Variants in PTPRE observed in about 807,000 individuals in gnomAD.
PTPRE encodes protein tyrosine phosphatase receptor type E, also known as receptor-type tyrosine-protein phosphatase epsilon.
PTPRE carries 51 observed loss-of-function variants against 102.0 expected under a neutral mutation model. The observed-to-expected ratio is 0.50, with a 90% CI of 0.40 to 0.63. The LOEUF (loss-of-function observed/expected upper bound fraction) is 0.63, where lower values mean the gene tolerates loss of function less well. Ranked by LOEUF, PTPRE falls within the 30% of genes least tolerant of loss-of-function variation. PTPRE has a pLI of 0.00. For synonymous variants in PTPRE, 345 were observed against 348.2 expected, an observed-to-expected ratio of 0.99 and a Z score of 0.10; for missense variants, 752 against 915.1, an observed-to-expected ratio of 0.82 and a Z score of 2.30.
rs1371639724 is a variant in PTPRE at position 128,083,369 on chromosome 10, G to T, written c.*463G>T. ...TTTTGGAAGGCAAACTGTTCGTGAT[G>T]GTACAATGTAAATGGGGACTTCTGT... On this transcript the variant is annotated 3_prime_UTR_variant, in exon 21 of 21. Transcript: ENST00000254667. 1 of 152,842 alleles carries T rather than the reference G, an allele frequency of 6.5e-6. No individual in the cohort carries two copies. The highest frequency in any genetic ancestry group is 1.5e-5 in the Non-Finnish European group (1 of 68,530). The allele number at this position is 152,842 out of a possible 1,614,324, so 9.5% of individuals were successfully genotyped here.
intron 2 of PTPRE, among the ~76,000 whole-genome samples, chr10:128,025,875 C>T (rs913679217): frequency 3.9e-5 from 6 of 152,216 alleles, no homozygotes; most frequent in Non-Finnish European, 7.3e-5. Context: ...TCTGAACACA[C>T]CTGGCTTGTG....
intron 20 of PTPRE, among the ~76,000 whole-genome samples, chr10:128,082,524 T>TG (rs915246413): frequency 6.7e-6 from 1 of 149,096 alleles, no homozygotes; most frequent in African/African-American, 2.5e-5. Flanking sequence ...CCTGGTTTTT[T>TG]GTTTTTTTTT....
At chr10:128,079,760 T>A in intron 20 of PTPRE, 65 bp downstream of exon 20, 3 of 1,548,074 alleles carry the variant, frequency 1.9e-6, no homozygotes, top group Non-Finnish European at 2.7e-6. Flanking sequence ...ATTTGATGTA[T>A]GTTTCATTAA....
chr10:128,080,813 C>A (rs756175456), intron 20 of PTPRE, among the ~76,000 whole-genome samples: 1 of 152,190 alleles, frequency 6.6e-6, no homozygotes, highest in Non-Finnish European at 1.5e-5. Flanking sequence ...TAGTCCAATG[C>A]CTGGCCCGTG....
At chr10:128,049,285 G>C (rs1168490110) in intron 5 of PTPRE, among the ~76,000 whole-genome samples, 3 of 152,148 alleles carry the variant, frequency 2.0e-5, no homozygotes, top group African/African-American at 7.2e-5. Flanking sequence ...GTCTCCAATG[G>C]GGGAGAGCAG....
At chr10:128,072,682 A>T (rs1850886022) in intron 16 of PTPRE, 1 of 133,438 alleles carries the variant, frequency 7.5e-6, no homozygotes, top group African/African-American at 2.7e-5. Flanking sequence ...AAAAAAAAAA[A>T]AGTGGACTTT....
intron 2 of PTPRE, among the ~76,000 whole-genome samples, chr10:128,005,012 C>A (rs1380976627): frequency 6.6e-6 from 1 of 152,186 alleles, no homozygotes; most frequent in African/African-American, 2.4e-5. Context: ...TCTTTTCATG[C>A]ACTTTCTGGC....
At chr10:127,917,257 A>T (rs1846276208) in intron 1 of PTPRE, among the ~76,000 whole-genome samples, 1 of 151,324 alleles carries the variant, frequency 6.6e-6, no homozygotes, top group South Asian at 2.1e-4. Context: ...CCGCTCCAAC[A>T]TGTGGAATCC....
chr10:128,037,315 G>A lies in PTPRE; in HGVS notation c.-7-3560G>A, dbSNP rs1243335830. ...TTCACTCCTCTGTCCCCTGGCCTGC[G>A]TCTCCCTCGCCTTCCGTCCTGAATG... On this transcript the variant is annotated intron_variant, in intron 2 of 20. Transcript: ENST00000254667. 5.3e-5 allele frequency among the ~76,000 whole-genome samples: 8 copies of A among 152,168 alleles called. No individual in the cohort carries two copies. In the East Asian group the frequency reaches 7.7e-4, roughly 15 times the overall value.
intron 2 of PTPRE, among the ~76,000 whole-genome samples, chr10:127,991,789 C>G (rs1333199890): frequency 1.3e-5 from 2 of 152,170 alleles, no homozygotes; most frequent in Non-Finnish European, 1.5e-5. Flanking sequence ...CAGCAGGGAT[C>G]TGGCAATCCT....
intron 10 of PTPRE, among the ~76,000 whole-genome samples, chr10:128,063,764 G>A (rs1027867482): frequency 6.6e-6 from 1 of 152,218 alleles, no homozygotes; most frequent in African/African-American, 2.4e-5. Flanking sequence ...TGCTGGGCCA[G>A]CTCTGTCCCA....
chr10:128,045,680 G>A (rs1848032119), intron 3 of PTPRE, among the ~76,000 whole-genome samples: 1 of 152,176 alleles, frequency 6.6e-6, no homozygotes, highest in Non-Finnish European at 1.5e-5. Context: ...TGGCAGAGTG[G>A]AGAGGGGTGC....
At chr10:128,067,187 C>T (rs1564955569) in intron 11 of PTPRE, among the ~76,000 whole-genome samples, 9 of 147,996 alleles carry the variant, frequency 6.1e-5, no homozygotes, top group Admixed American at 6.8e-5. Flanking sequence ...CACATTCACA[C>T]ATGTGCACAC....
In PTPRE at chr10:128,008,917, A is replaced by G. The variant is rs1844743523; in HGVS notation, c.-8+26621A>G. Among the ~76,000 whole-genome samples the G allele has an allele frequency of 6.6e-6, 1 of 152,214 alleles. No homozygotes were observed. Among genetic ancestry groups the G allele is most frequent in the Non-Finnish European group, 1.5e-5 (1 of 68,036 alleles). On this transcript the variant is annotated intron_variant, in intron 2 of 20. Transcript: ENST00000254667. This position sits in a 1 kb window ranked among gnomAD's most constrained non-coding sequence, Gnocchi z 4.0. ...CAGTGCTAAGTCCCAGAAGTGACAG[A>G]GAGACAGAGAGAGGAGTCTCTGGTC... is the stretch of plus-strand genomic sequence containing the variant.
intron 2 of PTPRE, among the ~76,000 whole-genome samples, chr10:127,997,947 G>C (rs1205410398): frequency 2.0e-5 from 3 of 152,208 alleles, no homozygotes; most frequent in Non-Finnish European, 4.4e-5. Flanking sequence ...TCATCACTGT[G>C]AGATGAAGCT....
chr10:128,059,046 T>C (rs1849266405), intron 7 of PTPRE, among the ~76,000 whole-genome samples: 1 of 152,232 alleles, frequency 6.6e-6, no homozygotes, highest in South Asian at 2.1e-4. Context: ...AATAATGTTT[T>C]GAATGTGAAG....
intron 2 of PTPRE, among the ~76,000 whole-genome samples, chr10:127,983,958 T>C (rs1357136997): frequency 6.6e-6 from 1 of 152,174 alleles, no homozygotes; most frequent in Non-Finnish European, 1.5e-5. Context: ...TGAACGTGTG[T>C]GCAGGAGCTG....
chr10:128,032,080 A>G (rs1269152685), intron 2 of PTPRE, among the ~76,000 whole-genome samples: 1 of 152,130 alleles, frequency 6.6e-6, no homozygotes, highest in East Asian at 1.9e-4. Context: ...CAGTGGCGCA[A>G]TCTCGGCTCA....
chr10:127,953,843 T>A (rs1849213724), intron 1 of PTPRE, among the ~76,000 whole-genome samples: 1 of 152,202 alleles, frequency 6.6e-6, no homozygotes, highest in South Asian at 2.1e-4. Flanking sequence ...CTGGGCAATG[T>A]ACCTGGTTGT....
Sources: gnomAD v4.1 joint callset for allele counts (sites outside exome capture counted in the v4.1 genomes callset) on GRCh38, gnomAD v4.1.1 for gene constraint, Gnocchi (gnomAD v3.1) non-coding constraint, MANE v1.5 for transcripts, NCBI Gene and HGNC (gene_info 2026-07-23, HGNC 2026-07-21) for gene names.